Variants in GAS7 observed in about 807,000 individuals in gnomAD.
GAS7 encodes the protein growth arrest-specific protein 7.
Under a neutral mutation model 71.1 loss-of-function variants are expected in GAS7, and 28 were observed. That is an observed-to-expected ratio of 0.39 (90% CI 0.29 to 0.54). The LOEUF is 0.54. GAS7 is among the 20% of genes least tolerant of loss of function. GAS7 has a pLI of 0.62. For missense variants in GAS7, 436 were observed against 627.8 expected (o/e 0.69, Z 3.27); for synonymous variants, 258 against 245.8 (o/e 1.05, Z -0.46).
chr17:10,019,667 G>T, intron 2 of GAS7, 110 bp downstream of exon 2: 1 of 1,103,544 alleles, frequency 9.1e-7, no homozygotes, highest in Non-Finnish European at 1.3e-6. Context: ...ATAGACTTAA[G>T]AAGAAAAAAC....
At chr17:10,028,500 A>G (rs930510592) in intron 1 of GAS7, among the ~76,000 whole-genome samples, 33 of 152,250 alleles carry the variant, frequency 2.2e-4, no homozygotes, top group Non-Finnish European at 4.6e-4. Flanking sequence ...AGATAGAGGA[A>G]GAACATCCAG....
Position 10,103,688 on chromosome 17 carries a change from T to C in GAS7, c.184-83791A>G, listed in dbSNP as rs1005257696. On this transcript the variant is annotated intron_variant, in intron 1 of 13. Transcript: ENST00000432992. The surrounding 1 kb of genome is among the most constrained non-coding windows in gnomAD (Gnocchi z 5.5). ...CAAAAATACAAAAATTAGCTGGGTG[T>C]GGTGGCACATGCCTGTAATCCCGGC... Among the ~76,000 whole-genome samples the C allele has an allele frequency of 6.6e-6, 1 of 151,956 alleles. No individual in the cohort carries two copies. The highest frequency in any genetic ancestry group is 1.5e-5 in the Non-Finnish European group (1 of 68,002).
intron 2 of GAS7, among the ~76,000 whole-genome samples, chr17:10,005,313 A>G: frequency 6.7e-6 from 1 of 148,610 alleles, no homozygotes; most frequent in Non-Finnish European, 1.5e-5. Flanking sequence ...ACATATATAC[A>G]CACACATATA....
At chr17:10,077,529 G>GT (rs1214222017) in intron 1 of GAS7, among the ~76,000 whole-genome samples, 1 of 152,148 alleles carries the variant, frequency 6.6e-6, no homozygotes, top group Non-Finnish European at 1.5e-5. Flanking sequence ...ACAGCACAAA[G>GT]TATCTATGAG....
chr17:10,015,788 C>T (rs2071971297), intron 2 of GAS7, among the ~76,000 whole-genome samples: 1 of 152,054 alleles, frequency 6.6e-6, no homozygotes, highest in South Asian at 2.1e-4. Context: ...TAAGACACTC[C>T]CCATCCCCTA....
intron 9 of GAS7, among the ~76,000 whole-genome samples, chr17:9,931,684 A>G (rs2152080161): frequency 6.6e-6 from 1 of 152,366 alleles, no homozygotes; most frequent in Admixed American, 6.5e-5. Flanking sequence ...GGACTTGAGT[A>G]GCAATTTTCT....
At chr17:9,948,122 G>A (rs2068863227) in intron 5 of GAS7, among the ~76,000 whole-genome samples, 1 of 152,224 alleles carries the variant, frequency 6.6e-6, no homozygotes, top group Admixed American at 6.5e-5. Flanking sequence ...TACTCAACAA[G>A]AGGCTATTAG....
At chr17:10,157,660 A>G (rs1160396526) in intron 1 of GAS7, among the ~76,000 whole-genome samples, 1 of 152,218 alleles carries the variant, frequency 6.6e-6, no homozygotes, top group East Asian at 1.9e-4. Flanking sequence ...CTTCCAGTTA[A>G]TAGTAGACAC....
chr17:10,002,333 G>C (rs2071299606), intron 2 of GAS7, among the ~76,000 whole-genome samples: 2 of 152,022 alleles, frequency 1.3e-5, no homozygotes, highest in South Asian at 4.2e-4. Context: ...GTCTGTCTCT[G>C]AGTCCACATT....
chr17:10,115,282 G>A (rs902281461), intron 1 of GAS7, among the ~76,000 whole-genome samples: 2 of 152,262 alleles, frequency 1.3e-5, no homozygotes, highest in Admixed American at 1.3e-4. Context: ...ACCAGGGACG[G>A]AAGGAGGGAG....
rs1567780606 is a variant in GAS7 at position 9,926,678 on chromosome 17, C to T, written c.977G>A (p.Arg326His). Residue 326 changes from arginine (R) to histidine (H), a missense_variant, in exon 10 of 14, where the codon CGC becomes CAC. Transcript: ENST00000432992. This position sits in a 1 kb window ranked among gnomAD's most constrained non-coding sequence, Gnocchi z 5.0. ...KKCDHHIADL[R>H]KQLASRYASV... Reference sequence around the variant, plus strand: ...GGCATAGCGGCTGGCGAGCTGCTTGCGAAGGTCGGCAATGTGGTGGTCGCA... The same window carrying T: ...GGCATAGCGGCTGGCGAGCTGCTTGTGAAGGTCGGCAATGTGGTGGTCGCA... The T allele has an allele frequency of 1.2e-6, 2 of 1,613,566 alleles. No homozygotes were observed. Among genetic ancestry groups the T allele is most frequent in the Admixed American group, 1.7e-5 (1 of 59,996 alleles).
chr17:10,152,769 A>C (rs1049389195), intron 1 of GAS7, among the ~76,000 whole-genome samples: 3 of 152,196 alleles, frequency 2.0e-5, no homozygotes, highest in African/African-American at 7.2e-5. Flanking sequence ...CCCAAGGAAG[A>C]CAAGGCCCTG....
At chr17:10,121,003 G>A (rs533332451) in intron 1 of GAS7, among the ~76,000 whole-genome samples, 27 of 152,390 alleles carry the variant, frequency 1.8e-4, no homozygotes, top group Non-Finnish European at 3.5e-4. Flanking sequence ...TGGCAGAGCT[G>A]CAGGAGCTGC....
intron 1 of GAS7, among the ~76,000 whole-genome samples, chr17:10,124,190 G>A (rs1177484555): frequency 6.6e-6 from 1 of 152,226 alleles, no homozygotes; most frequent in Admixed American, 6.5e-5. Flanking sequence ...CCAGCCCCTC[G>A]TGGCGGGGCC....
At position 10,142,224 on chromosome 17, in the gene GAS7, A is replaced by AC. The variant is rs559819152; in HGVS notation, c.183+55983_183+55984insG. ...CAGCGAGACTCTGTCTCAAAAAAAA[A>AC]AAACAAAAAAAGGTACATAGTAGTT... On this transcript the variant is annotated intron_variant, in intron 1 of 13. Coordinates refer to ENST00000432992, the MANE Select transcript of GAS7 (RefSeq NM_201433.2). 2.1e-3 allele frequency among the ~76,000 whole-genome samples: 319 copies of AC among 152,042 alleles called. 5 individuals are homozygous for AC. Among genetic ancestry groups the AC allele is most frequent in the African/African-American group, 6.5e-3 (270 of 41,476 alleles).
At chr17:10,060,737 G>A (rs1276547440) in intron 1 of GAS7, among the ~76,000 whole-genome samples, 2 of 152,212 alleles carry the variant, frequency 1.3e-5, no homozygotes, top group African/African-American at 2.4e-5. Context: ...CACGTTGCTC[G>A]TGCGAACACA....
chr17:9,926,795 T>G lies in GAS7; in HGVS notation c.886-26A>C. On this transcript the variant is annotated intron_variant, in intron 9 of 13. Coordinates refer to ENST00000432992, the MANE Select transcript of GAS7 (RefSeq NM_201433.2). The surrounding 1 kb of genome is among the most constrained non-coding windows in gnomAD (Gnocchi z 5.0). ...CTGTTGGGAGAGTAGAGACGCACAC[T>G]CAGGACCCAGGGCATCAGCTGTAAG... is the stretch of plus-strand genomic sequence containing the variant. 6.2e-7 allele frequency: 1 copy of G among 1,613,656 alleles called. No individual in the cohort carries two copies. The highest frequency in any genetic ancestry group is 8.5e-7 in the Non-Finnish European group (1 of 1,179,676).
chr17:10,050,380 T>G (rs1016973538), intron 1 of GAS7, among the ~76,000 whole-genome samples: 8 of 152,142 alleles, frequency 5.3e-5, no homozygotes, highest in African/African-American at 1.7e-4. Context: ...ACCTTAGTAA[T>G]CATCTGATCA....
At chr17:10,096,371 C>T (rs2073641065) in intron 1 of GAS7, among the ~76,000 whole-genome samples, 1 of 152,192 alleles carries the variant, frequency 6.6e-6, no homozygotes, top group African/African-American at 2.4e-5. Context: ...AATGCCTCCC[C>T]TCTTCTGTTT....
Sources: allele counts gnomAD v4.1 joint callset (sites outside exome capture counted in the v4.1 genomes callset), GRCh38; gene constraint gnomAD v4.1.1; non-coding constraint Gnocchi (gnomAD v3.1); transcripts MANE v1.5; gene names NCBI Gene and HGNC (gene_info 2026-07-23, HGNC 2026-07-21).